PHF20: variants seen among roughly 807,000 people sequenced by gnomAD.
PHF20 encodes the protein PHD finger protein 20.
In PHF20, 23 loss-of-function variants were observed where a neutral mutation model predicts 113.5. The ratio of observed to expected loss-of-function variants is 0.20; its 90% CI spans 0.15 to 0.29. The LOEUF is 0.29. Among genes scored for constraint, PHF20 ranks in the 10% least tolerant of loss-of-function variants. PHF20 has a pLI of 1.00. For synonymous variants in PHF20, 434 were observed against 457.3 expected, an observed-to-expected ratio of 0.95 and a Z score of 0.65; for missense variants, 943 against 1,219.6, an observed-to-expected ratio of 0.77 and a Z score of 3.38.
chr20:35,773,816 C>T (rs1255657513), intron 1 of PHF20, among the ~76,000 whole-genome samples: 1 of 152,148 alleles, frequency 6.6e-6, no homozygotes, highest in African/African-American at 2.4e-5. Flanking sequence ...TGGTTTACTT[C>T]TAGAAGACCT....
intron 9 of PHF20, chr20:35,887,807 T>TAAAAAAAAAAAAAAA (rs774278547): frequency 9.5e-6 from 1 of 105,270 alleles, no homozygotes. Context: ...AAGACTGAAT[T>TAAAAAAAAAAAAAAA]AAAAAAAAAA....
At chr20:35,851,533 G>A (rs578049631) in intron 4 of PHF20, among the ~76,000 whole-genome samples, 4 of 152,204 alleles carry the variant, frequency 2.6e-5, no homozygotes, top group Non-Finnish European at 5.9e-5. Context: ...TGCTAGCTTG[G>A]CTGTTTTCTT....
chr20:35,916,928 A>AT (rs957834332), intron 12 of PHF20, among the ~76,000 whole-genome samples: 11 of 150,362 alleles, frequency 7.3e-5, no homozygotes, highest in Admixed American at 2.0e-4. Context: ...TGCCCAGCTA[A>AT]TTTTTTTTTT....
At position 35,805,354 on chromosome 20, in the gene PHF20, TTTATTATTATTATTATTA is replaced by T. The variant is rs3056929; in HGVS notation, c.83+3776_83+3793del. Among the ~76,000 whole-genome samples the T allele has an allele frequency of 2.7e-4, 34 of 125,192 alleles. 2 individuals are homozygous for T. The South Asian group carries it at 7.1e-3, about 26-fold the overall frequency. The allele number at this position is 125,192 out of a possible 152,430, so 82.1% of individuals were successfully genotyped here. A position where few individuals can be genotyped will look rare whatever the true frequency, so the allele number is the denominator to read the frequency against. Reference sequence around the variant, plus strand: ...AGGCACATGCCACCACGCCTGATTTTTTATTATTATTATTATTATTATTATTATTATTATTATTATTAT... The same window carrying T: ...AGGCACATGCCACCACGCCTGATTTTTTATTATTATTATTATTATTATTAT... On this transcript the variant is annotated intron_variant, in intron 2 of 17. Coordinates refer to ENST00000374012, the MANE Select transcript of PHF20 (RefSeq NM_016436.5).
chr20:35,827,997 G>A (rs988612876), intron 2 of PHF20, among the ~76,000 whole-genome samples: 5 of 151,802 alleles, frequency 3.3e-5, no homozygotes, highest in Non-Finnish European at 5.9e-5. Flanking sequence ...CCTAGAGTAA[G>A]CTGCACTCAT....
intron 15 of PHF20, among the ~76,000 whole-genome samples, chr20:35,935,740 C>A (rs997404988): frequency 6.6e-6 from 1 of 152,192 alleles, no homozygotes; most frequent in Non-Finnish European, 1.5e-5. Context: ...AGAATTAAAT[C>A]TGTCTTCTAG....
chr20:35,888,506 G>GA (rs2054780850), intron 9 of PHF20, among the ~76,000 whole-genome samples: 2 of 152,198 alleles, frequency 1.3e-5, no homozygotes, highest in African/African-American at 4.8e-5. Flanking sequence ...TAACTACTTG[G>GA]AAATAGTGAT....
intron 15 of PHF20, among the ~76,000 whole-genome samples, chr20:35,936,424 G>A (rs142846436): frequency 2.6e-5 from 4 of 152,224 alleles, no homozygotes; most frequent in Non-Finnish European, 4.4e-5. Flanking sequence ...CTGTAACATC[G>A]CTCTATGCCT....
At chr20:35,862,523 T>C (rs915268919) in intron 5 of PHF20, among the ~76,000 whole-genome samples, 1 of 151,866 alleles carries the variant, frequency 6.6e-6, no homozygotes, top group Non-Finnish European at 1.5e-5. Flanking sequence ...AGCCCAGGAG[T>C]TTGAGACCAG....
At chr20:35,823,140 C>A (rs1451273514) in intron 2 of PHF20, among the ~76,000 whole-genome samples, 2 of 151,868 alleles carry the variant, frequency 1.3e-5, no homozygotes, top group Non-Finnish European at 2.9e-5. Context: ...ATAAAAGTTA[C>A]AAAAGTACAA....
At chr20:35,811,928 G>A (rs999670681) in intron 2 of PHF20, among the ~76,000 whole-genome samples, 4 of 151,592 alleles carry the variant, frequency 2.6e-5, no homozygotes, top group East Asian at 3.9e-4. Flanking sequence ...CCGCCACCAC[G>A]CCCGGCTAAT....
chr20:35,859,286 C>G (rs6058337), intron 5 of PHF20, among the ~76,000 whole-genome samples: 1 of 152,092 alleles, frequency 6.6e-6, no homozygotes, highest in Non-Finnish European at 1.5e-5. Flanking sequence ...GAAGTGTTGC[C>G]TACTTTCTTC....
At chr20:35,857,212 A>G (rs1194131307) in intron 4 of PHF20, among the ~76,000 whole-genome samples, 2 of 152,184 alleles carry the variant, frequency 1.3e-5, no homozygotes, top group Non-Finnish European at 2.9e-5. Context: ...TCCCTGGGGC[A>G]AAAATGGGTG....
chr20:35,936,078 G>A (rs997436289), intron 15 of PHF20, among the ~76,000 whole-genome samples: 6 of 152,186 alleles, frequency 3.9e-5, no homozygotes, highest in Admixed American at 6.5e-5. Context: ...CCTTCAGATC[G>A]CAGTTGGAAG....
intron 2 of PHF20, among the ~76,000 whole-genome samples, chr20:35,807,847 T>C (rs2041911960): frequency 1.3e-5 from 2 of 152,206 alleles, no homozygotes; most frequent in African/African-American, 4.8e-5. Flanking sequence ...GTTAACATTT[T>C]AGATGTGGAA....
At chr20:35,946,853 A>G (rs902986839) in intron 17 of PHF20, among the ~76,000 whole-genome samples, 4 of 151,870 alleles carry the variant, frequency 2.6e-5, no homozygotes, top group African/African-American at 7.3e-5. Context: ...GGGACTACAG[A>G]CGGGCACCAC....
intron 1 of PHF20, among the ~76,000 whole-genome samples, chr20:35,797,295 T>G (rs1000997922): frequency 4.6e-5 from 7 of 151,734 alleles, no homozygotes; most frequent in African/African-American, 1.7e-4. Context: ...GGTGCATCAT[T>G]TGAGGTCAGG....
chr20:35,950,230 C>T lies in PHF20; in HGVS notation c.*2603C>T, dbSNP rs1247389705. The T allele has an allele frequency of 6.6e-6, 1 of 152,612 alleles. No individual in the cohort carries two copies. The highest frequency in any genetic ancestry group is 1.5e-5 in the Non-Finnish European group (1 of 68,038). 9.5% of individuals were successfully genotyped at this position (152,612 alleles called of 1,614,324 possible). ...GTGGATCCTTGATGAGCCAACATTGCACTGTGGATACATATCTATGTTTAC... is the reference window on the plus strand; with the variant it reads ...GTGGATCCTTGATGAGCCAACATTGTACTGTGGATACATATCTATGTTTAC... On this transcript the variant is annotated 3_prime_UTR_variant, in exon 18 of 18. Transcript: ENST00000374012.
chr20:35,848,423 G>C, intron 4 of PHF20, among the ~76,000 whole-genome samples: 1 of 151,890 alleles, frequency 6.6e-6, no homozygotes, highest in East Asian at 1.9e-4. Context: ...GTGCACCACG[G>C]TCAGCTAAAT....
Sources: allele counts gnomAD v4.1 joint callset (sites outside exome capture counted in the v4.1 genomes callset), GRCh38; gene constraint gnomAD v4.1.1; transcripts MANE v1.5; gene names NCBI Gene and HGNC (gene_info 2026-07-23, HGNC 2026-07-21).